GRIK1: variants seen among roughly 807,000 people sequenced by gnomAD.
The protein encoded by GRIK1 is glutamate ionotropic receptor kainate type subunit 1.
In GRIK1, 69 loss-of-function variants were observed where a neutral mutation model predicts 105.7. That is an observed-to-expected ratio of 0.65 (90% CI 0.54 to 0.80). The LOEUF is 0.80. Among genes scored for constraint, GRIK1 ranks in the 30% least tolerant of loss-of-function variants. The pLI is 0.00. For missense variants in GRIK1, 1,109 were observed against 1,167.3 expected, an observed-to-expected ratio of 0.95 and a Z score of 0.73; for synonymous variants, 438 against 431.3, an observed-to-expected ratio of 1.02 and a Z score of -0.19.
At chr21:29,706,035 G>T (rs895646306) in intron 1 of GRIK1, among the ~76,000 whole-genome samples, 1 of 151,700 alleles carries the variant, frequency 6.6e-6, no homozygotes, top group African/African-American at 2.4e-5. Flanking sequence ...CACCACACCC[G>T]GCTAGTTTTT....
chr21:29,934,461 C>T (rs2243533), intron 1 of GRIK1, among the ~76,000 whole-genome samples: 103,988 of 151,906 alleles, frequency 0.68, 35,794 homozygotes, highest in East Asian at 0.83. Context: ...ATTTTTCCAG[C>T]GCCCACTGGA....
chr21:29,924,980 T>G (rs961180367), intron 1 of GRIK1, among the ~76,000 whole-genome samples: 3 of 152,202 alleles, frequency 2.0e-5, no homozygotes, highest in African/African-American at 7.2e-5. Flanking sequence ...TGAGGTGACG[T>G]GCAAGCCATC....
At chr21:29,814,567 C>T (rs2067101960) in intron 1 of GRIK1, among the ~76,000 whole-genome samples, 1 of 151,942 alleles carries the variant, frequency 6.6e-6, no homozygotes, top group South Asian at 2.1e-4. Flanking sequence ...AGAGAGGACC[C>T]CTGAAGAGAT....
chr21:29,899,455 T>A (rs1023682173), intron 1 of GRIK1, among the ~76,000 whole-genome samples: 1 of 152,216 alleles, frequency 6.6e-6, no homozygotes, highest in Non-Finnish European at 1.5e-5. Flanking sequence ...GTCTTTTCAT[T>A]CTTGCCTTGC....
chr21:29,780,687 A>G (rs528536869), intron 1 of GRIK1, among the ~76,000 whole-genome samples: 11 of 152,330 alleles, frequency 7.2e-5, no homozygotes, highest in African/African-American at 2.6e-4. Flanking sequence ...CTTGATTTCA[A>G]GCCAGCAAAC....
At chr21:29,606,065 A>G (rs976702412) in intron 7 of GRIK1, among the ~76,000 whole-genome samples, 36 of 151,442 alleles carry the variant, frequency 2.4e-4, no homozygotes, top group African/African-American at 8.5e-4. Context: ...CATGGTGGCC[A>G]TAGTACAATA....
chr21:29,735,536 G>A (rs2064767778), intron 1 of GRIK1, among the ~76,000 whole-genome samples: 2 of 152,114 alleles, frequency 1.3e-5, no homozygotes, highest in South Asian at 4.1e-4. Flanking sequence ...TTCTCTTGGG[G>A]ACACATGGAT....
chr21:29,639,158 C>G (rs1010730378), intron 7 of GRIK1, among the ~76,000 whole-genome samples: 1 of 152,224 alleles, frequency 6.6e-6, no homozygotes, highest in African/African-American at 2.4e-5. Flanking sequence ...TTTATGAACA[C>G]AGTGTGTCCT....
At chr21:29,812,172 T>C (rs1455204554) in intron 1 of GRIK1, among the ~76,000 whole-genome samples, 1 of 152,174 alleles carries the variant, frequency 6.6e-6, no homozygotes, top group African/African-American at 2.4e-5. Context: ...AAATAAACTT[T>C]ATAGGGATTT....
intron 1 of GRIK1, among the ~76,000 whole-genome samples, chr21:29,767,605 C>A (rs1009044794): frequency 4.0e-5 from 6 of 151,828 alleles, no homozygotes; most frequent in Admixed American, 1.3e-4. Context: ...GAAGAAGTAC[C>A]CCATTAATAT....
chr21:29,926,704 C>T (rs933983689), intron 1 of GRIK1, among the ~76,000 whole-genome samples: 1 of 151,834 alleles, frequency 6.6e-6, no homozygotes, highest in Non-Finnish European at 1.5e-5. Context: ...CCTTCTACAG[C>T]TTGTTCAAAT....
intron 1 of GRIK1, among the ~76,000 whole-genome samples, chr21:29,704,681 G>C (rs1289439111): frequency 6.6e-6 from 1 of 152,178 alleles, no homozygotes; most frequent in Non-Finnish European, 1.5e-5. Flanking sequence ...ATGGAGGGTG[G>C]TTATTGAGGT....
intron 1 of GRIK1, among the ~76,000 whole-genome samples, chr21:29,930,148 G>C (rs1044519678): frequency 4.6e-5 from 7 of 152,086 alleles, no homozygotes; most frequent in Non-Finnish European, 1.0e-4. Context: ...ACAGCCTTAG[G>C]GTTCAGATTT....
intron 1 of GRIK1, among the ~76,000 whole-genome samples, chr21:29,919,604 C>T (rs1259174887): frequency 6.6e-6 from 1 of 152,056 alleles, no homozygotes; most frequent in Non-Finnish European, 1.5e-5. Flanking sequence ...GGTAGCACTC[C>T]CTAAATGACT....
chr21:29,916,528 T>A (rs1258534771), intron 1 of GRIK1, among the ~76,000 whole-genome samples: 1 of 151,752 alleles, frequency 6.6e-6, no homozygotes, highest in African/African-American at 2.4e-5. Flanking sequence ...TAAATTTCCA[T>A]CCATACACAT....
chr21:29,876,898 T>G lies in GRIK1; in HGVS notation c.118+62485A>C, dbSNP rs536266607. On this transcript the variant is annotated intron_variant, in intron 1 of 17. Transcript: ENST00000327783. ...CACTGAACCAAAAATATACTCTACC[T>G]GATAAATTACAATCTACTTAATAAC... Among the ~76,000 whole-genome samples the G allele has an allele frequency of 2.2e-4, 34 of 152,270 alleles. 1 individual carries two copies. The South Asian group carries it at 6.6e-3, about 30-fold the overall frequency.
chr21:29,692,980 G>T (rs1568981706), intron 2 of GRIK1, among the ~76,000 whole-genome samples: 1 of 152,202 alleles, frequency 6.6e-6, no homozygotes, highest in Non-Finnish European at 1.5e-5. Flanking sequence ...CACAACCTAT[G>T]ATCTAACTAG....
intron 5 of GRIK1, among the ~76,000 whole-genome samples, chr21:29,653,325 G>A (rs1309513280): frequency 6.6e-6 from 1 of 152,194 alleles, no homozygotes; most frequent in Non-Finnish European, 1.5e-5. Flanking sequence ...CATTAAACAT[G>A]TGCAAAATTA....
intron 3 of GRIK1, among the ~76,000 whole-genome samples, chr21:29,682,576 C>T (rs1429261899): frequency 2.0e-5 from 3 of 152,100 alleles, no homozygotes; most frequent in East Asian, 1.9e-4. Context: ...ACTTGCTAGC[C>T]ATATGTAGAA....
Sources: gnomAD v4.1 joint callset for allele counts (sites outside exome capture counted in the v4.1 genomes callset) on GRCh38, gnomAD v4.1.1 for gene constraint, MANE v1.5 for transcripts, NCBI Gene and HGNC (gene_info 2026-07-23, HGNC 2026-07-21) for gene names.